The following P2RY8 variants were observed in gnomAD, a reference collection of about 807,000 sequenced individuals.
P2RY8 encodes P2Y receptor family member 8.
A neutral mutation model predicts 10.0 loss-of-function variants in P2RY8; 6 were observed. The observed-to-expected ratio is 0.60, with a 90% CI of 0.33 to 1.19. The LOEUF is 1.19. P2RY8 is among the 50% of genes most tolerant of loss of function. P2RY8 has a pLI of 0.04. For synonymous variants in P2RY8, 276 were observed against 252.5 expected (o/e 1.09, Z -0.88); for missense variants, 456 against 542.0 (o/e 0.84, Z 1.58).
intron 1 of P2RY8, among the ~76,000 whole-genome samples, chrX:1,535,415 T>C (rs1256503822): frequency 2.0e-5 from 3 of 151,696 alleles, no homozygotes; most frequent in Non-Finnish European, 2.9e-5. Context: ...CTCAAACCCC[T>C]GACCTCAAGT....
At position 1,465,471 on chromosome X, in the gene P2RY8, C is replaced by T; in HGVS notation, c.*8G>A. The T allele has an allele frequency of 1.3e-6, 2 of 1,592,552 alleles. No individual in the cohort carries two copies. The highest frequency in any genetic ancestry group is 1.7e-6 in the Non-Finnish European group (2 of 1,169,794). ...CGCCCCCGGCTCTCCAAGCTGCGCC[C>T]CCGGGACTCAGAACACACTCTCCTG... On this transcript the variant is annotated 3_prime_UTR_variant, in exon 2 of 2. Coordinates refer to ENST00000381297, the MANE Select transcript of P2RY8 (RefSeq NM_178129.5).
At position 1,465,486 on chromosome X, in the gene P2RY8, A is replaced by G. The variant is rs199683188; in HGVS notation, c.1073T>C (p.Val358Ala). 93 of 1,604,006 alleles carry G rather than the reference A, an allele frequency of 5.8e-5. No individual in the cohort carries two copies. Among genetic ancestry groups the G allele is most frequent in the Non-Finnish European group, 6.3e-5 (74 of 1,175,424 alleles). ...AAGCTGCGCCCCCGGGACTCAGAAC[A>G]CACTCTCCTGCCTCTGGAGGCCGGG... ...TRPGLQRQESVF is the reference protein window; with the variant it reads ...TRPGLQRQESAF The change falls in exon 2 of 2, where the codon GTG (valine) becomes GCG (alanine). Residue 358 changes from valine (V) to alanine (A), a missense_variant. Val to Ala is a moderately conservative substitution (Grantham distance 64). Transcript: ENST00000381297.
intron 1 of P2RY8, among the ~76,000 whole-genome samples, chrX:1,513,359 G>C (rs2092314408): frequency 6.6e-6 from 1 of 152,030 alleles, no homozygotes; most frequent in Non-Finnish European, 1.5e-5. Flanking sequence ...ACAATTCCAG[G>C]TGAGATTTGG....
chrX:1,493,422 A>AGAG (rs2092080801), intron 1 of P2RY8, among the ~76,000 whole-genome samples: 1 of 39,542 alleles, frequency 2.5e-5, no homozygotes, highest in Non-Finnish European at 4.3e-5. Context: ...AGGAAGGAGG[A>AGAG]AGGAGGAGGG....
chrX:1,530,269 T>TTATCTACC (rs1556687144), intron 1 of P2RY8, among the ~76,000 whole-genome samples: 9,388 of 148,364 alleles, frequency 0.063, 409 homozygotes, highest in Non-Finnish European at 0.093. Context: ...ATCATCACCA[T>TTATCTACC]TATCTATCTA....
rs369795207 is a variant in P2RY8 at position 1,465,546 on chromosome X, C to G, written c.1013G>C (p.Gly338Ala). The G allele has an allele frequency of 6.2e-7, 1 of 1,612,228 alleles. No individual in the cohort carries two copies. Among genetic ancestry groups the G allele is most frequent in the Non-Finnish European group, 8.5e-7 (1 of 1,179,730 alleles). The change falls in exon 2 of 2, where the codon GGT (glycine) becomes GCT (alanine). Residue 338 changes from glycine (G) to alanine (A), a missense_variant. Gly to Ala is a moderately conservative substitution (Grantham distance 60, BLOSUM62 0). Transcript: ENST00000381297. The part of the protein sequence containing the change: ...ARTTSVRSEA[G>A]AHPEGMEGAT... ...TCCCTCCATCCCTTCAGGGTGCGCA[C>G]CGGCCTCGGAGCGCACGGACGTGGT...
chrX:1,524,606 T>TCCATACATACATCCATGCATCC (rs1569538707), intron 1 of P2RY8, among the ~76,000 whole-genome samples: 1 of 16,504 alleles, frequency 6.1e-5, no homozygotes, highest in Admixed American at 5.9e-4. Context: ...TTCATCCATC[T>TCCATACATACATCCATGCATCC]ATCCATCCAT....
chrX:1,514,368 T>A (rs2092322378), intron 1 of P2RY8, among the ~76,000 whole-genome samples: 1 of 119,534 alleles, frequency 8.4e-6, no homozygotes, highest in Non-Finnish European at 1.8e-5. Context: ...TTCCTTTTCC[T>A]TTTCCTTTCC....
chrX:1,530,269 T>TTATCTATCTATCTATC (rs770613678), intron 1 of P2RY8, among the ~76,000 whole-genome samples: 6 of 148,280 alleles, frequency 4.0e-5, no homozygotes, highest in South Asian at 2.2e-4. Flanking sequence ...ATCATCACCA[T>TTATCTATCTATCTATC]TATCTATCTA....
intron 1 of P2RY8, among the ~76,000 whole-genome samples, chrX:1,475,258 G>A (rs1235081192): frequency 2.1e-4 from 32 of 151,220 alleles, no homozygotes; most frequent in Admixed American, 1.7e-3. Flanking sequence ...TGGATGGATG[G>A]GTGGATGGAT....
intron 1 of P2RY8, among the ~76,000 whole-genome samples, chrX:1,529,249 A>G (rs1356015379): frequency 1.3e-5 from 2 of 152,152 alleles, no homozygotes; most frequent in Admixed American, 6.6e-5. Context: ...TATTATAGTA[A>G]CAAGAGCATG....
intron 1 of P2RY8, among the ~76,000 whole-genome samples, chrX:1,498,396 ACT>A (rs1198402144): frequency 8.7e-6 from 1 of 115,496 alleles, no homozygotes; most frequent in African/African-American, 3.2e-5. Flanking sequence ...ACAGAGCGAG[ACT>A]CTGTCTCAAA....
At chrX:1,513,702 G>T (rs1358263351) in intron 1 of P2RY8, among the ~76,000 whole-genome samples, 1 of 150,794 alleles carries the variant, frequency 6.6e-6, no homozygotes, top group Non-Finnish European at 1.5e-5. Context: ...AAATGTTTCT[G>T]GTGGCCACTA....
chrX:1,476,623 T>C (rs1373661581), intron 1 of P2RY8, among the ~76,000 whole-genome samples: 10 of 151,446 alleles, frequency 6.6e-5, no homozygotes, highest in Non-Finnish European at 1.2e-4. Flanking sequence ...ATGGGTCATA[T>C]AGATGTTTGA....
Position 1,465,989 on chromosome X carries a change from C to T in P2RY8, c.570G>A (p.Trp190Ter), listed in dbSNP as rs377457659. 6.8e-6 allele frequency: 11 copies of T among 1,612,152 alleles called. No individual in the cohort carries two copies. Among genetic ancestry groups the T allele is most frequent in the African/African-American group, 2.7e-5 (2 of 74,896 alleles). ...TGAAGATGGTGAAGAGGAACACGGC[C>T]CACATGGCCACGCTGGGGAGCATCG... ...KWTMLPSVAM[W>*]AVFLFTIFIL... Residue 190 changes from tryptophan to a stop codon, truncating the protein, a stop_gained, in exon 2 of 2, where the codon TGG (tryptophan) becomes TGA (stop). Transcript: ENST00000381297. LOFTEE classifies it low-confidence loss of function (END_TRUNC).
intron 1 of P2RY8, among the ~76,000 whole-genome samples, chrX:1,529,625 C>A (rs73186971): frequency 0.069 from 10,553 of 152,092 alleles, 514 homozygotes; most frequent in Non-Finnish European, 0.1. Context: ...GGCTGACACC[C>A]TGCCTGAGCA....
Position 1,465,217 on chromosome X carries a change from A to T in P2RY8, c.*262T>A, listed in dbSNP as rs1481661984. 3.7e-6 allele frequency: 2 copies of T among 539,986 alleles called. No individual in the cohort carries two copies. Among genetic ancestry groups the T allele is most frequent in the African/African-American group, 3.8e-5 (2 of 52,592 alleles). The allele number at this position is 539,986 out of a possible 1,614,324, so 33.4% of individuals were successfully genotyped here. On this transcript the variant is annotated 3_prime_UTR_variant, in exon 2 of 2. Coordinates refer to ENST00000381297, the MANE Select transcript of P2RY8 (RefSeq NM_178129.5). Reference sequence around the variant, plus strand: ...TCCCCTGACACAGAGAGGCAGAGGCACCCTCTGCAGGATAACAAGCACCCT... The same window carrying T: ...TCCCCTGACACAGAGAGGCAGAGGCTCCCTCTGCAGGATAACAAGCACCCT...
In P2RY8 at chrX:1,464,705, C is replaced by T. The variant is rs1377415181; in HGVS notation, c.*774G>A. 2 of 233,196 alleles carry T rather than the reference C, an allele frequency of 8.6e-6. No individual in the cohort carries two copies. The highest frequency in any genetic ancestry group is 1.7e-5 in the Non-Finnish European group (2 of 118,192). 14.4% of individuals were successfully genotyped at this position (233,196 alleles called of 1,614,324 possible). ...GACCTCCTTCTCTATCAGGGACTCACAGAAGCAGAATAGGGGTGGGGTCCC... is the reference window on the plus strand; with the variant it reads ...GACCTCCTTCTCTATCAGGGACTCATAGAAGCAGAATAGGGGTGGGGTCCC... On this transcript the variant is annotated 3_prime_UTR_variant, in exon 2 of 2. Coordinates refer to ENST00000381297, the MANE Select transcript of P2RY8 (RefSeq NM_178129.5).
At chrX:1,485,975 T>C (rs550680158) in intron 1 of P2RY8, among the ~76,000 whole-genome samples, 35 of 152,158 alleles carry the variant, frequency 2.3e-4, no homozygotes, top group Middle Eastern at 3.4e-3. Context: ...TCCCAGCACT[T>C]TGGGAAGCTG....
Sources: gnomAD v4.1 joint callset for allele counts (sites outside exome capture counted in the v4.1 genomes callset) on GRCh38, gnomAD v4.1.1 for gene constraint, MANE v1.5 for transcripts, NCBI Gene and HGNC (gene_info 2026-07-23, HGNC 2026-07-21) for gene names.